Variants in BRAF observed in about 807,000 individuals in gnomAD.
BRAF encodes B-Raf proto-oncogene, serine/threonine kinase, also known as serine/threonine-protein kinase B-raf.
A neutral mutation model predicts 104.6 loss-of-function variants in BRAF; 16 were observed. The ratio of observed to expected loss-of-function variants is 0.15; its 90% CI spans 0.10 to 0.23. The LOEUF (loss-of-function observed/expected upper bound fraction) is 0.23. Among genes scored for constraint, BRAF ranks in the 10% least tolerant of loss-of-function variants. The probability of loss-of-function intolerance (pLI) is 1.00; values close to 1 mark genes in which losing one functional copy is unlikely to be tolerated. For synonymous variants in BRAF, 310 were observed against 341.6 expected, an observed-to-expected ratio of 0.91 and a Z score of 1.02; for missense variants, 541 against 937.3, an observed-to-expected ratio of 0.58 and a Z score of 5.52.
chr7:140,911,334 A>AG, intron 1 of BRAF, among the ~76,000 whole-genome samples: 1 of 152,346 alleles, frequency 6.6e-6, no homozygotes, highest in African/African-American at 2.4e-5. Flanking sequence ...CAGTAGCCAC[A>AG]TAGATACGGC....
intron 2 of BRAF, among the ~76,000 whole-genome samples, chr7:140,847,554 G>A (rs765408685): frequency 6.6e-6 from 1 of 151,770 alleles, no homozygotes; most frequent in Non-Finnish European, 1.5e-5. Context: ...CTGCACTCCA[G>A]CCCGGGAGAC....
rs1166645468 is a variant in BRAF, at chr7:140,867,805, A to AC, written c.139-17594dup. Among the ~76,000 whole-genome samples, 20 of 152,100 alleles carry AC rather than the reference A, an allele frequency of 1.3e-4. No individual in the cohort carries two copies. In the East Asian group the frequency reaches 3.5e-3, roughly 26 times the overall value. On this transcript the variant is annotated intron_variant, in intron 1 of 19. Coordinates refer to ENST00000644969, the MANE Select transcript of BRAF (RefSeq NM_001374258.1). Reference sequence around the variant, plus strand: ...ATGTGCAACAGACATAGCATTAATGACCCCCAATTAATGGCTTCTCTGTAG... The same window carrying AC: ...ATGTGCAACAGACATAGCATTAATGACCCCCCAATTAATGGCTTCTCTGTAG...
At chr7:140,762,171 G>T (rs1433627640) in intron 14 of BRAF, among the ~76,000 whole-genome samples, 1 of 152,116 alleles carries the variant, frequency 6.6e-6, no homozygotes, top group East Asian at 1.9e-4. Context: ...TAAAAGAACA[G>T]AAATTATAAC....
At chr7:140,727,190 T>C (rs1049113889) in intron 19 of BRAF, among the ~76,000 whole-genome samples, 21 of 151,808 alleles carry the variant, frequency 1.4e-4, no homozygotes, top group South Asian at 4.1e-4. Context: ...TTTTTCTTTT[T>C]TTTTTTTTTT....
chr7:140,918,004 G>A (rs1817803894), intron 1 of BRAF, among the ~76,000 whole-genome samples: 1 of 152,104 alleles, frequency 6.6e-6, no homozygotes, highest in South Asian at 2.1e-4. Flanking sequence ...TAAAATATTT[G>A]CCATCTGACC....
In BRAF at chr7:140,746,047, C is replaced by A. The variant is rs770230242; in HGVS notation, c.2112+3240G>T. 5.9e-4 allele frequency among the ~76,000 whole-genome samples: 90 copies of A among 152,178 alleles called. 1 individual carries two copies. Among genetic ancestry groups the A allele is most frequent in the Non-Finnish European group, 1.1e-3 (72 of 68,034 alleles). The stretch of plus-strand genomic sequence containing the variant: ...TAGATCCTTTTAACACCCCGTAAAT[C>A]TACTCTAGTCAATACGGTGTGAAAC... On this transcript the variant is annotated intron_variant, in intron 17 of 19. Coordinates refer to ENST00000644969, the MANE Select transcript of BRAF (RefSeq NM_001374258.1).
rs768434366 is a variant in BRAF at position 140,924,417 on chromosome 7, G to A, written c.138+149C>T. 3 of 1,190,156 alleles carry A rather than the reference G, an allele frequency of 2.5e-6. No homozygotes were observed. The highest frequency in any genetic ancestry group is 3.5e-6 in the Non-Finnish European group (3 of 847,468). The allele number at this position is 1,190,156 out of a possible 1,614,324, so 73.7% of individuals were successfully genotyped here. ...GGCGCTGCATGACGGAGAGGGACAC[G>A]GGGGCGATGCCCACCTCCCAGCCCG... On this transcript the variant is annotated intron_variant, in intron 1 of 19. Coordinates refer to ENST00000644969, the MANE Select transcript of BRAF (RefSeq NM_001374258.1). This position sits in a 1 kb window ranked among gnomAD's most constrained non-coding sequence, Gnocchi z 4.2.
At chr7:140,880,592 C>T (rs960851044) in intron 1 of BRAF, among the ~76,000 whole-genome samples, 2 of 152,048 alleles carry the variant, frequency 1.3e-5, no homozygotes, top group East Asian at 1.9e-4. Context: ...TTAATGTTGC[C>T]CAGATCCATC....
At chr7:140,753,049 CAT>C (rs1260960748) in intron 16 of BRAF, among the ~76,000 whole-genome samples, 11 of 151,286 alleles carry the variant, frequency 7.3e-5, no homozygotes, top group African/African-American at 1.2e-4. Flanking sequence ...GTTTATAAGA[CAT>C]ATATTTTTGT....
intron 6 of BRAF, 74 bp from the exon 7 acceptor site, chr7:140,800,555 C>CA (rs914763326): frequency 6.2e-7 from 1 of 1,603,856 alleles, no homozygotes; most frequent in Non-Finnish European, 8.5e-7. Context: ...CATAGTTAAC[C>CA]AAAAAAACTG....
Position 140,808,978 on chromosome 7 carries a change from T to A in BRAF, c.522A>T (p.Gly174=), listed in dbSNP as rs1407258932. The part of the protein sequence containing the change: ...KQRTVVPARC[G]VTVRDSLKKA... ...TCTTTAGACTGTCTCGGACTGTAAC[T>A]CCACACCTTGCAGGTACCTATGGTA... Residue 174 remains glycine, a synonymous_variant, in exon 4 of 20, where the codon GGA becomes GGT. Transcript: ENST00000644969. 6.2e-7 allele frequency: 1 copy of A among 1,612,626 alleles called. No individual in the cohort carries two copies. Among genetic ancestry groups the A allele is most frequent in the Non-Finnish European group, 8.5e-7 (1 of 1,179,180 alleles).
chr7:140,842,198 G>A (rs930857008), intron 2 of BRAF, among the ~76,000 whole-genome samples: 4 of 152,266 alleles, frequency 2.6e-5, no homozygotes, highest in Middle Eastern at 3.4e-3. Flanking sequence ...TTAAACGCAT[G>A]GGCTGTAAAT....
chr7:140,722,508 A>G lies in BRAF; in HGVS notation c.*3986T>C, dbSNP rs1795369159. 9.5e-7 allele frequency: 1 copy of G among 1,056,794 alleles called. No individual in the cohort carries two copies. The highest frequency in any genetic ancestry group is 1.1e-6 in the Non-Finnish European group (1 of 873,960). 65.5% of individuals were successfully genotyped at this position (1,056,794 alleles called of 1,614,324 possible). ...ACACCATTTCAACTCATGACCTGTA[A>G]GCTATTTGCTGTTCATACTCACAGT... On this transcript the variant is annotated 3_prime_UTR_variant, in exon 20 of 20. Transcript: ENST00000644969.
At chr7:140,733,365 T>C (rs1232963151) in intron 19 of BRAF, 7 of 152,160 alleles carry the variant, frequency 4.6e-5, no homozygotes, top group African/African-American at 7.2e-5. Context: ...CAAAACCAAA[T>C]TGAGTAAGTG....
At chr7:140,766,590 AT>A (rs932346570) in intron 14 of BRAF, among the ~76,000 whole-genome samples, 13 of 150,560 alleles carry the variant, frequency 8.6e-5, no homozygotes, top group South Asian at 4.2e-4. Context: ...TTACTTCTTA[AT>A]TTTTTTTTTG....
intron 15 of BRAF, chr7:140,753,940 A>T: frequency 1.3e-5 from 7 of 549,956 alleles, no homozygotes; most frequent in South Asian, 1.0e-4. Flanking sequence ...AATGTAAGCA[A>T]GCAATCAAAA....
At chr7:140,767,279 C>A (rs147153015) in intron 14 of BRAF, among the ~76,000 whole-genome samples, 1 of 152,120 alleles carries the variant, frequency 6.6e-6, no homozygotes, top group African/African-American at 2.4e-5. Flanking sequence ...GTTGGGATTA[C>A]AGGCATGAAC....
Position 140,924,068 on chromosome 7 carries a change from G to C in BRAF, c.138+498C>G, listed in dbSNP as rs1239324988. Among the ~76,000 whole-genome samples the C allele has an allele frequency of 6.6e-6, 1 of 152,198 alleles. No homozygotes were observed. Among genetic ancestry groups the C allele is most frequent in the Non-Finnish European group, 1.5e-5 (1 of 68,036 alleles). On this transcript the variant is annotated intron_variant, in intron 1 of 19. Coordinates refer to ENST00000644969, the MANE Select transcript of BRAF (RefSeq NM_001374258.1). This position sits in a 1 kb window ranked among gnomAD's most constrained non-coding sequence, Gnocchi z 4.2. ...GAAAAGTGAAAAAGGGCAGCGGACT[G>C]AGAAGGGGGGCAGTCCGGGAGAGGA...
rs1796211411 is a variant in BRAF, at chr7:140,734,426, G to C, written c.2401+191C>G. 2.6e-6 allele frequency: 4 copies of C among 1,516,512 alleles called. No individual in the cohort carries two copies. In the African/African-American group the frequency reaches 5.6e-5, roughly 21 times the overall value. 93.9% of individuals were successfully genotyped at this position (1,516,512 alleles called of 1,614,324 possible). On this transcript the variant is annotated intron_variant, in intron 19 of 19. Transcript: ENST00000644969. ...TTGGATGTTAAAAATCCAATGTTAA[G>C]TATAAATTTTAGTTTGGGGAAAAAT...
Sources: allele counts gnomAD v4.1 joint callset (sites outside exome capture counted in the v4.1 genomes callset), GRCh38; gene constraint gnomAD v4.1.1; non-coding constraint Gnocchi (gnomAD v3.1); transcripts MANE v1.5; gene names NCBI Gene and HGNC (gene_info 2026-07-23, HGNC 2026-07-21).